ANO4: variants seen among roughly 807,000 people sequenced by gnomAD.
The protein encoded by ANO4 is anoctamin 4.
In ANO4, 69 loss-of-function variants were observed where a neutral mutation model predicts 141.9. The observed-to-expected ratio is 0.49, with a 90% confidence interval of 0.40 to 0.59. ANO4 has a LOEUF of 0.59. Ranked by LOEUF, ANO4 falls within the 20% of genes least tolerant of loss-of-function variation. ANO4 has a pLI of 0.00. For synonymous variants in ANO4, 350 were observed against 394.3 expected (o/e 0.89, Z 1.33); for missense variants, 894 against 1,162.2 (o/e 0.77, Z 3.36).
chr12:100,739,477 C>T (rs2031768821), intron 2 of ANO4, among the ~76,000 whole-genome samples: 2 of 152,154 alleles, frequency 1.3e-5, no homozygotes, highest in South Asian at 4.1e-4. Context: ...CCAGTTTTCT[C>T]ATCTGTAAAA....
chr12:101,062,721 G>A (rs1203722101), intron 14 of ANO4, among the ~76,000 whole-genome samples: 4 of 152,132 alleles, frequency 2.6e-5, no homozygotes, highest in Non-Finnish European at 5.9e-5. Flanking sequence ...CAGCAATGGC[G>A]GACACCCCTC....
chr12:100,960,591 TTAAAG>T (rs1197406275), intron 5 of ANO4, among the ~76,000 whole-genome samples: 13 of 150,336 alleles, frequency 8.6e-5, no homozygotes, highest in East Asian at 1.9e-4. Context: ...ATCCTGGAAC[TTAAAG>T]TAAAATAAAA....
At chr12:100,723,093 A>C (rs765883367) in intron 1 of ANO4, among the ~76,000 whole-genome samples, 1 of 152,222 alleles carries the variant, frequency 6.6e-6, no homozygotes, top group Non-Finnish European at 1.5e-5. Context: ...CAAAGCATGT[A>C]CAGATTATTT....
intron 1 of ANO4, among the ~76,000 whole-genome samples, chr12:100,813,561 A>G (rs1430124921): frequency 1.3e-5 from 2 of 152,212 alleles, no homozygotes; most frequent in Admixed American, 6.5e-5. Context: ...CAGCAATTGG[A>G]AATATTTCTT....
chr12:101,021,356 T>C (rs2046517743), intron 9 of ANO4, among the ~76,000 whole-genome samples: 1 of 152,204 alleles, frequency 6.6e-6, no homozygotes, highest in Non-Finnish European at 1.5e-5. Context: ...AAGTATGTGC[T>C]ACAGAAGCCT....
At chr12:100,837,812 A>G (rs909075135) in intron 1 of ANO4, among the ~76,000 whole-genome samples, 1 of 151,986 alleles carries the variant, frequency 6.6e-6, no homozygotes, top group Non-Finnish European at 1.5e-5. Context: ...TCAAAGTCAC[A>G]TAAAGGTAGA....
At chr12:101,117,172 C>T in intron 25 of ANO4, among the ~76,000 whole-genome samples, 1 of 152,240 alleles carries the variant, frequency 6.6e-6, no homozygotes, top group South Asian at 2.1e-4. Flanking sequence ...CTGCTTCTCT[C>T]TCTTGCCCAG....
intron 1 of ANO4, among the ~76,000 whole-genome samples, chr12:100,867,514 G>GGTTAAAGAAGGCCTGTAGAGGACAAACT: frequency 6.6e-6 from 1 of 151,974 alleles, no homozygotes; most frequent in Admixed American, 6.6e-5. Context: ...TGTTTCAGTG[G>GGTTAAAGAAGGCCTGTAGAGGACAAACT]GTTAAAGAAG....
At chr12:100,865,212 C>T (rs12827807) in intron 1 of ANO4, among the ~76,000 whole-genome samples, 29,313 of 152,136 alleles carry the variant, frequency 0.19, 3,358 homozygotes, top group Middle Eastern at 0.35. Context: ...GCCACACTGT[C>T]TTCCACAATG....
intron 14 of ANO4, among the ~76,000 whole-genome samples, chr12:101,048,668 A>G (rs2047736416): frequency 6.6e-6 from 1 of 152,212 alleles, no homozygotes; most frequent in South Asian, 2.1e-4. Context: ...ACACAGAAAT[A>G]AAGCTTATGG....
chr12:101,019,610 C>A (rs2046443450), intron 8 of ANO4, among the ~76,000 whole-genome samples: 1 of 152,084 alleles, frequency 6.6e-6, no homozygotes, highest in Non-Finnish European at 1.5e-5. Context: ...TATCCACCAC[C>A]CAAGCCAGTT....
Position 101,110,546 on chromosome 12 carries a change from C to T in ANO4, c.2292C>T (p.Ala764=). The T allele has an allele frequency of 1.3e-6, 2 of 1,587,638 alleles. No homozygotes were observed. The highest frequency in any genetic ancestry group is 1.7e-6 in the Non-Finnish European group (2 of 1,168,278). ...GGAGGAGACCTTTAGCTTCAAGGGCCAAAGACATAGGTAAGTTGGATTTGG... is the reference window on the plus strand; with the variant it reads ...GGAGGAGACCTTTAGCTTCAAGGGCTAAAGACATAGGTAAGTTGGATTTGG... ...TQWRRPLASR[A]KDIGIWYGIL... The change falls in exon 23 of 28, where the codon GCC becomes GCT. Residue 764 remains alanine, a synonymous_variant. Transcript: ENST00000392977.
intron 25 of ANO4, among the ~76,000 whole-genome samples, chr12:101,117,629 A>T (rs1007345433): frequency 6.6e-6 from 1 of 152,230 alleles, no homozygotes. Flanking sequence ...AGGATCACTT[A>T]AGTCCAGGCA....
At chr12:100,766,691 A>T (rs536190653) in intron 3 of ANO4, among the ~76,000 whole-genome samples, 24 of 152,256 alleles carry the variant, frequency 1.6e-4, no homozygotes, top group African/African-American at 5.8e-4. Context: ...TTCCATCTGC[A>T]CCTAAAAGAA....
chr12:100,820,368 A>AAAC (rs1555224373), intron 1 of ANO4, among the ~76,000 whole-genome samples: 3,803 of 151,416 alleles, frequency 0.025, 185 homozygotes, highest in African/African-American at 0.087. Flanking sequence ...AAAAAAAAAA[A>AAAC]AAATGCCCTT....
At chr12:101,102,512 G>A (rs1481084394) in intron 22 of ANO4, among the ~76,000 whole-genome samples, 1 of 152,046 alleles carries the variant, frequency 6.6e-6, no homozygotes, top group Non-Finnish European at 1.5e-5. Context: ...GGATAAACTT[G>A]TGAATTTATA....
At chr12:100,734,148 C>T (rs2031509161) in intron 2 of ANO4, among the ~76,000 whole-genome samples, 1 of 152,186 alleles carries the variant, frequency 6.6e-6, no homozygotes, top group Non-Finnish European at 1.5e-5. Context: ...AGCACCTGTA[C>T]TATTATGCAC....
intron 23 of ANO4, 93 bp downstream of exon 23, chr12:101,110,649 T>C: frequency 8.6e-7 from 1 of 1,169,340 alleles, no homozygotes; most frequent in Non-Finnish European, 1.1e-6. Context: ...TTAATTATGT[T>C]TTCCATTTAA....
chr12:100,920,836 T>G (rs2041597577), intron 2 of ANO4, among the ~76,000 whole-genome samples: 1 of 152,190 alleles, frequency 6.6e-6, no homozygotes, highest in Non-Finnish European at 1.5e-5. Context: ...TAATAAATTA[T>G]TATGGATGAT....
Sources: gnomAD v4.1 joint callset for allele counts (sites outside exome capture counted in the v4.1 genomes callset) on GRCh38, gnomAD v4.1.1 for gene constraint, MANE v1.5 for transcripts, NCBI Gene and HGNC (gene_info 2026-07-23, HGNC 2026-07-21) for gene names.